Variants in FRMPD4 observed in about 807,000 individuals in gnomAD.
FRMPD4 encodes FERM and PDZ domain containing 4, also known as FERM and PDZ domain-containing protein 4.
FRMPD4 carries 22 observed loss-of-function variants against 94.1 expected under a neutral mutation model. That is an observed-to-expected ratio of 0.23 (90% CI 0.17 to 0.33). The LOEUF is 0.33. Ranked by LOEUF, FRMPD4 falls within the 10% of genes least tolerant of loss-of-function variation. FRMPD4 has a pLI of 1.00. For synonymous variants in FRMPD4, 631 were observed against 548.6 expected (o/e 1.15, Z -2.10); for missense variants, 1,111 against 1,339.9 (o/e 0.83, Z 2.67).
intron 3 of FRMPD4, among the ~76,000 whole-genome samples, chrX:12,053,552 G>T (rs1461699607): frequency 1.8e-5 from 2 of 110,546 alleles, no homozygotes; most frequent in Non-Finnish European, 3.8e-5. Flanking sequence ...TTAAGCTACA[G>T]ATTCTGGTGG....
At chrX:12,471,031 T>C (rs1199049959) in intron 1 of FRMPD4, among the ~76,000 whole-genome samples, 1 of 112,415 alleles carries the variant, frequency 8.9e-6, no homozygotes, top group African/African-American at 3.2e-5. Context: ...CCTTCTCCTG[T>C]TGATGTTTTG....
chrX:12,054,758 A>C (rs1406306534), intron 3 of FRMPD4: 1 of 112,119 alleles, frequency 8.9e-6, no homozygotes, highest in African/African-American at 3.2e-5. Flanking sequence ...CCTGAAAAGC[A>C]AATGGAAAGG....
At chrX:12,662,919 T>C (rs1569396048) in intron 4 of FRMPD4, among the ~76,000 whole-genome samples, 1 of 112,665 alleles carries the variant, frequency 8.9e-6, no homozygotes, top group African/African-American at 3.2e-5. Flanking sequence ...TGGTATCTCA[T>C]TGTGGTTTTA....
intron 4 of FRMPD4, among the ~76,000 whole-genome samples, chrX:12,665,492 G>A (rs2059766983): frequency 9.0e-6 from 1 of 111,216 alleles, no homozygotes; most frequent in Non-Finnish European, 1.9e-5. Context: ...ACTCCAGCCT[G>A]GGCAACAGAG....
chrX:12,139,073 T>C, intron 1 of FRMPD4, 61 bp downstream of exon 1: 1 of 960,950 alleles, frequency 1.0e-6, no homozygotes, highest in Non-Finnish European at 1.4e-6. Flanking sequence ...CTTGGTGCCT[T>C]ATTTTTCGGG....
At chrX:12,684,070 G>A (rs1228030433) in intron 6 of FRMPD4, among the ~76,000 whole-genome samples, 1 of 112,020 alleles carries the variant, frequency 8.9e-6, no homozygotes, top group Non-Finnish European at 1.9e-5. Context: ...TAAAACGATG[G>A]AAAAATTTTA....
chrX:12,226,108 T>G (rs1272902135), intron 1 of FRMPD4, among the ~76,000 whole-genome samples: 1 of 111,875 alleles, frequency 8.9e-6, no homozygotes, highest in Non-Finnish European at 1.9e-5. Context: ...TTGTTTTGTT[T>G]ATTTTATTTT....
chrX:12,234,066 C>T (rs1283780269), intron 1 of FRMPD4, among the ~76,000 whole-genome samples: 2 of 110,550 alleles, frequency 1.8e-5, no homozygotes, highest in African/African-American at 6.6e-5. Context: ...TTGCAAGTGG[C>T]CTATGGGGTT....
chrX:11,970,532 A>G (rs1318854168), intron 3 of FRMPD4, among the ~76,000 whole-genome samples: 1 of 112,134 alleles, frequency 8.9e-6, no homozygotes, highest in South Asian at 3.7e-4. Context: ...GAAACACAGA[A>G]ATTAATTAAT....
chrX:12,545,728 A>G (rs1228536526), intron 2 of FRMPD4, among the ~76,000 whole-genome samples: 1 of 112,652 alleles, frequency 8.9e-6, no homozygotes, highest in East Asian at 2.8e-4. Flanking sequence ...GTTTAACGGT[A>G]AACTGCAAGA....
intron 1 of FRMPD4, among the ~76,000 whole-genome samples, chrX:12,197,269 T>G (rs1452385306): frequency 9.0e-6 from 1 of 110,904 alleles, no homozygotes; most frequent in Non-Finnish European, 1.9e-5. Flanking sequence ...ACACTTTAAA[T>G]CTTGCTTCCA....
At chrX:12,106,399 G>A (rs2055298132) in intron 3 of FRMPD4, among the ~76,000 whole-genome samples, 1 of 111,726 alleles carries the variant, frequency 9.0e-6, no homozygotes, top group African/African-American at 3.3e-5. Context: ...ATAACTGGGG[G>A]AGGGGGAATT....
chrX:12,249,882 T>A (rs1442732786), intron 1 of FRMPD4, among the ~76,000 whole-genome samples: 1 of 111,895 alleles, frequency 8.9e-6, no homozygotes, highest in Non-Finnish European at 1.9e-5. Context: ...TATTTTGCAG[T>A]CATGTGTGTA....
chrX:12,469,937 CA>C (rs1455622797), intron 1 of FRMPD4, among the ~76,000 whole-genome samples: 3 of 112,068 alleles, frequency 2.7e-5, no homozygotes, highest in Non-Finnish European at 5.6e-5. Flanking sequence ...CCCCTGGAGA[CA>C]AAAACTATCA....
chrX:11,843,298 G>C (rs1317043815), intron 1 of FRMPD4, among the ~76,000 whole-genome samples: 1 of 110,959 alleles, frequency 9.0e-6, no homozygotes, highest in Non-Finnish European at 1.9e-5. Context: ...TCTGTAGTCT[G>C]GAAGAGTTTG....
intron 5 of FRMPD4, among the ~76,000 whole-genome samples, chrX:12,677,683 A>C (rs73432846): frequency 0.014 from 1,539 of 111,385 alleles, 32 homozygotes; most frequent in African/African-American, 0.046. Context: ...TTTCTTCTGC[A>C]TAAGGTCCAG....
intron 1 of FRMPD4, among the ~76,000 whole-genome samples, chrX:12,389,407 G>A (rs374965487): frequency 3.7e-5 from 4 of 108,493 alleles, no homozygotes; most frequent in Non-Finnish European, 3.8e-5. Flanking sequence ...CCTGGGAGGT[G>A]GAAATTGCAG....
intron 7 of FRMPD4, 116 bp downstream of exon 7, chrX:12,686,320 G>T (rs2060023411): frequency 2.3e-6 from 1 of 429,928 alleles, no homozygotes. Flanking sequence ...CTGCAGTTTT[G>T]TTGATTGCCT....
chrX:11,854,760 C>T (rs779186488), intron 1 of FRMPD4, among the ~76,000 whole-genome samples: 1 of 112,646 alleles, frequency 8.9e-6, no homozygotes, highest in Non-Finnish European at 1.9e-5. Flanking sequence ...TTGCAGGGTA[C>T]AGCTCCCTTC....
Sources: allele counts gnomAD v4.1 joint callset (sites outside exome capture counted in the v4.1 genomes callset), GRCh38; gene constraint gnomAD v4.1.1; transcripts MANE v1.5; gene names NCBI Gene and HGNC (gene_info 2026-07-23, HGNC 2026-07-21).